Variants in ASAP1 observed in about 807,000 individuals in gnomAD.
ASAP1 encodes arf-GAP with SH3 domain, ANK repeat and PH domain-containing protein 1.
ASAP1 carries 43 observed loss-of-function variants against 145.2 expected under a neutral mutation model. The ratio of observed to expected loss-of-function variants is 0.30; its 90% CI spans 0.23 to 0.38. The LOEUF (loss-of-function observed/expected upper bound fraction) is 0.38. ASAP1 is among the 10% of genes least tolerant of loss of function. The probability of loss-of-function intolerance (pLI) is 1.00; values close to 1 mark genes in which losing one functional copy is unlikely to be tolerated. For missense variants in ASAP1, 1,018 were observed against 1,355.3 expected (o/e 0.75, Z 3.91); for synonymous variants, 546 against 515.5 (o/e 1.06, Z -0.80).
At chr8:130,111,043 C>T (rs529285173) in intron 24 of ASAP1, among the ~76,000 whole-genome samples, 11 of 152,032 alleles carry the variant, frequency 7.2e-5, no homozygotes, top group Admixed American at 5.2e-4. Context: ...CCCTGTGAGA[C>T]ATTTGACAAC....
At chr8:130,173,446 C>T (rs1813723591) in intron 9 of ASAP1, among the ~76,000 whole-genome samples, 1 of 152,090 alleles carries the variant, frequency 6.6e-6, no homozygotes, top group African/African-American at 2.4e-5. Context: ...TCTCTTCTCT[C>T]TGTTTTAGCT....
chr8:130,373,037 C>T (rs897600578), intron 2 of ASAP1, among the ~76,000 whole-genome samples: 1 of 151,130 alleles, frequency 6.6e-6, no homozygotes, highest in African/African-American at 2.4e-5. Flanking sequence ...CACACACATA[C>T]ACACATACAG....
chr8:130,223,500 T>C (rs1586628104), intron 4 of ASAP1, among the ~76,000 whole-genome samples: 1 of 152,330 alleles, frequency 6.6e-6, no homozygotes, highest in South Asian at 2.1e-4. Flanking sequence ...TTAAACATGG[T>C]ATTTTTTGGA....
chr8:130,085,413 T>G (rs773194791), intron 25 of ASAP1, among the ~76,000 whole-genome samples: 1 of 152,152 alleles, frequency 6.6e-6, no homozygotes, highest in Non-Finnish European at 1.5e-5. Flanking sequence ...TTAAAATATG[T>G]GTTAGTCTGT....
chr8:130,402,639 G>C (rs1179466323), intron 1 of ASAP1, among the ~76,000 whole-genome samples: 1 of 152,074 alleles, frequency 6.6e-6, no homozygotes, highest in Non-Finnish European at 1.5e-5. Flanking sequence ...GTGATTCCTA[G>C]CTCAATGTGG....
chr8:130,136,375 A>G (rs1004726082), intron 14 of ASAP1, among the ~76,000 whole-genome samples: 8 of 152,208 alleles, frequency 5.3e-5, no homozygotes, highest in African/African-American at 1.9e-4. Context: ...GTGCAGTGCC[A>G]TCAATTCACA....
chr8:130,324,020 C>T (rs1056203385), intron 3 of ASAP1, among the ~76,000 whole-genome samples: 2 of 152,214 alleles, frequency 1.3e-5, no homozygotes, highest in Admixed American at 6.5e-5. Flanking sequence ...CCTCCAGGGG[C>T]TCAAAATGTA....
intron 25 of ASAP1, among the ~76,000 whole-genome samples, chr8:130,089,789 TCACA>T (rs1257747938): frequency 3.9e-5 from 6 of 152,170 alleles, no homozygotes; most frequent in Non-Finnish European, 5.9e-5. Flanking sequence ...ACAGTATATC[TCACA>T]TACATGCATG....
rs1198860217 is a variant in ASAP1, at chr8:130,208,270, AT to A, written c.405+6285del. ...CACAGACTTTACTAGAATTCCCCCC[AT>A]TTTTGCATGCATTCATTGTTTTGGT... On this transcript the variant is annotated intron_variant, in intron 5 of 29. Transcript: ENST00000518721. Among the ~76,000 whole-genome samples, 5 of 152,108 alleles carry A rather than the reference AT, an allele frequency of 3.3e-5. No homozygotes were observed. In the East Asian group the frequency reaches 9.7e-4, roughly 29 times the overall value.
chr8:130,394,669 G>A (rs986098212), intron 2 of ASAP1, among the ~76,000 whole-genome samples: 33 of 152,122 alleles, frequency 2.2e-4, no homozygotes, highest in Admixed American at 1.8e-3. Context: ...GGGGCATCAC[G>A]GAACCTACCT....
At chr8:130,215,980 G>A (rs1268289250) in intron 4 of ASAP1, among the ~76,000 whole-genome samples, 7 of 41,154 alleles carry the variant, frequency 1.7e-4, no homozygotes, top group African/African-American at 3.9e-4. Context: ...AAAGAAAAAG[G>A]AAAGGAAAGG....
intron 3 of ASAP1, among the ~76,000 whole-genome samples, chr8:130,346,225 T>C (rs1463866154): frequency 1.3e-5 from 2 of 152,170 alleles, no homozygotes; most frequent in African/African-American, 4.8e-5. Context: ...CTACTAAAAG[T>C]GAAGACATAC....
intron 3 of ASAP1, among the ~76,000 whole-genome samples, chr8:130,357,110 C>T (rs1826361746): frequency 6.6e-6 from 1 of 152,214 alleles, no homozygotes; most frequent in African/African-American, 2.4e-5. Context: ...GCTTCTGCTG[C>T]TCCTTGGCTT....
intron 24 of ASAP1, among the ~76,000 whole-genome samples, chr8:130,101,127 C>T (rs1293347324): frequency 6.6e-6 from 1 of 152,142 alleles, no homozygotes; most frequent in Non-Finnish European, 1.5e-5. Flanking sequence ...ATGTTCTGTT[C>T]CACTGGTCTA....
chr8:130,091,516 C>A (rs945929266), intron 25 of ASAP1, among the ~76,000 whole-genome samples: 3 of 152,176 alleles, frequency 2.0e-5, no homozygotes, highest in African/African-American at 7.2e-5. Flanking sequence ...TCATGCAGGG[C>A]CCTGTGGGCC....
intron 5 of ASAP1, among the ~76,000 whole-genome samples, chr8:130,202,523 T>C (rs1586583607): frequency 6.6e-6 from 1 of 152,348 alleles, no homozygotes; most frequent in African/African-American, 2.4e-5. Flanking sequence ...TACTAAAGTA[T>C]AGACTTTCAC....
intron 15 of ASAP1, 49 bp from the exon 16 acceptor site, chr8:130,128,139 A>ATTT (rs745416119): frequency 6.3e-4 from 113 of 179,384 alleles, no homozygotes; most frequent in Middle Eastern, 5.7e-3. Flanking sequence ...GAGCATGGTC[A>ATTT]TTTTTTTTTT....
chr8:130,172,583 G>T (rs1442834175), intron 9 of ASAP1, among the ~76,000 whole-genome samples: 2 of 151,950 alleles, frequency 1.3e-5, no homozygotes, highest in African/African-American at 4.8e-5. Context: ...GAAAAATTCT[G>T]TTCCTGAAGA....
chr8:130,202,809 C>G (rs146744979), intron 5 of ASAP1, among the ~76,000 whole-genome samples: 4 of 152,120 alleles, frequency 2.6e-5, no homozygotes, highest in Non-Finnish European at 5.9e-5. Context: ...CAAAGTCAAG[C>G]TATTTCTGCC....
Sources: gnomAD v4.1 joint callset for allele counts (sites outside exome capture counted in the v4.1 genomes callset) on GRCh38, gnomAD v4.1.1 for gene constraint, MANE v1.5 for transcripts, NCBI Gene and HGNC (gene_info 2026-07-23, HGNC 2026-07-21) for gene names.